CNTN1: variants seen among roughly 807,000 people sequenced by gnomAD.
The protein encoded by CNTN1 is contactin-1.
In CNTN1, 38 loss-of-function variants were observed where a neutral mutation model predicts 126.4. The observed-to-expected ratio is 0.30, with a 90% confidence interval of 0.23 to 0.39. CNTN1 has a LOEUF of 0.39. CNTN1 is among the 10% of genes least tolerant of loss of function. The probability of loss-of-function intolerance (pLI) is 1.00; values close to 1 mark genes in which losing one functional copy is unlikely to be tolerated. For synonymous variants in CNTN1, 413 were observed against 422.6 expected, an observed-to-expected ratio of 0.98 and a Z score of 0.28; for missense variants, 1,009 against 1,248.4, an observed-to-expected ratio of 0.81 and a Z score of 2.89.
chr12:40,743,651 T>G (rs1421407369), intron 1 of CNTN1, among the ~76,000 whole-genome samples: 1 of 152,126 alleles, frequency 6.6e-6, no homozygotes, highest in African/African-American at 2.4e-5. Flanking sequence ...TGGGTTGTTT[T>G]GTTTTTTTTC....
At chr12:40,907,632 A>G (rs909764327) in intron 1 of CNTN1, among the ~76,000 whole-genome samples, 24 of 152,170 alleles carry the variant, frequency 1.6e-4, no homozygotes, top group African/African-American at 5.3e-4. Context: ...TTATATTAGT[A>G]ATTTTATTTT....
chr12:40,931,767 A>T (rs910404112), intron 7 of CNTN1, among the ~76,000 whole-genome samples: 1 of 151,960 alleles, frequency 6.6e-6, no homozygotes, highest in African/African-American at 2.4e-5. Context: ...TGCAGGACCC[A>T]GAGATACTGA....
intron 1 of CNTN1, among the ~76,000 whole-genome samples, chr12:40,837,162 C>T (rs1942090715): frequency 6.6e-6 from 1 of 152,124 alleles, no homozygotes; most frequent in South Asian, 2.1e-4. Context: ...GGAGTGGGGC[C>T]TCAAGATGGC....
intron 15 of CNTN1, among the ~76,000 whole-genome samples, chr12:40,962,088 C>T (rs1191715104): frequency 6.6e-6 from 1 of 151,916 alleles, no homozygotes; most frequent in East Asian, 1.9e-4. Context: ...TTTTTTATAA[C>T]AAAATTATTT....
chr12:41,034,397 A>G (rs141461615), intron 23 of CNTN1, among the ~76,000 whole-genome samples: 1 of 152,278 alleles, frequency 6.6e-6, no homozygotes, highest in African/African-American at 2.4e-5. Flanking sequence ...CTAGAAAACT[A>G]TTTTTTGGGT....
At position 40,924,881 on chromosome 12, in the gene CNTN1, C is replaced by CATATATATATATATATATAT. The variant is rs138237336; in HGVS notation, c.496+246_496+247insTATATATATATATATATATA. On this transcript the variant is annotated intron_variant, in intron 6 of 23. Coordinates refer to ENST00000551295, the MANE Select transcript of CNTN1 (RefSeq NM_001843.4). ...ATCTCTAATCATTTTAGTTTATAAA[C>CATATATATATATATATATAT]ATATATATATATATATAGTATTATG... Among the ~76,000 whole-genome samples the CATATATATATATATATATAT allele has an allele frequency of 0.027, 3,062 of 111,764 alleles. 223 individuals are homozygous for CATATATATATATATATATAT. Among genetic ancestry groups the CATATATATATATATATATAT allele is most frequent in the African/African-American group, 0.079 (2,328 of 29,538 alleles). The allele number at this position is 111,764 out of a possible 152,430, so 73.3% of individuals were successfully genotyped here. A position where few individuals can be genotyped will look rare whatever the true frequency, so the allele number is the denominator to read the frequency against.
intron 14 of CNTN1, among the ~76,000 whole-genome samples, chr12:40,946,661 G>A (rs996857738): frequency 8.6e-5 from 13 of 152,002 alleles, no homozygotes; most frequent in African/African-American, 3.1e-4. Flanking sequence ...AGGAAGTTCT[G>A]ACTAATAATA....
chr12:40,981,514 T>C (rs1385114339), intron 16 of CNTN1, among the ~76,000 whole-genome samples: 1 of 152,174 alleles, frequency 6.6e-6, no homozygotes, highest in Non-Finnish European at 1.5e-5. Context: ...ATCTTACTAC[T>C]ATAACCCTTT....
chr12:40,716,803 C>T (rs1942062565), intron 1 of CNTN1, among the ~76,000 whole-genome samples: 1 of 152,138 alleles, frequency 6.6e-6, no homozygotes, highest in African/African-American at 2.4e-5. Context: ...AGAGAGAACA[C>T]CAGAAATTCT....
At chr12:40,822,387 T>C (rs1394664562) in intron 1 of CNTN1, among the ~76,000 whole-genome samples, 1 of 151,830 alleles carries the variant, frequency 6.6e-6, no homozygotes, top group African/African-American at 2.4e-5. Flanking sequence ...ACTCCTGACC[T>C]CAGGTGATCC....
chr12:41,046,217 C>A (rs1277235901), intron 23 of CNTN1, among the ~76,000 whole-genome samples: 2 of 151,986 alleles, frequency 1.3e-5, no homozygotes, highest in African/African-American at 2.4e-5. Flanking sequence ...ATGATCACAA[C>A]CGAAACAGGA....
intron 1 of CNTN1, 117 bp from the exon 2 acceptor site, chr12:40,908,240 A>G (rs1944903836): frequency 3.5e-6 from 2 of 574,446 alleles, no homozygotes; most frequent in Admixed American, 3.3e-5. Context: ...GTTTTCCTCA[A>G]ATGATGAACA....
chr12:40,888,220 T>C (rs1394170836), intron 1 of CNTN1, among the ~76,000 whole-genome samples: 1 of 152,172 alleles, frequency 6.6e-6, no homozygotes, highest in Non-Finnish European at 1.5e-5. Context: ...GTCTTATTAA[T>C]AACCCGATTA....
chr12:40,970,658 T>A (rs547893929), intron 15 of CNTN1, among the ~76,000 whole-genome samples: 1 of 152,302 alleles, frequency 6.6e-6, no homozygotes, highest in African/African-American at 2.4e-5. Flanking sequence ...ATACTGTTGT[T>A]AAATGATTAC....
At chr12:41,007,233 T>A (rs1056435166) in intron 17 of CNTN1, among the ~76,000 whole-genome samples, 1 of 151,632 alleles carries the variant, frequency 6.6e-6, no homozygotes, top group Non-Finnish European at 1.5e-5. Flanking sequence ...CTAATTTTTT[T>A]GTATTTTTAG....
At position 40,819,505 on chromosome 12, in the gene CNTN1, G is replaced by C. The variant is rs536195677; in HGVS notation, c.-76-88852G>C. On this transcript the variant is annotated intron_variant, in intron 1 of 23. Coordinates refer to ENST00000551295, the MANE Select transcript of CNTN1 (RefSeq NM_001843.4). ...TGCTGTGCTGTGGGGCCAAGTCTTGGGACCAAGCTATCCAGTCTTCCTGGC... is the reference window on the plus strand; with the variant it reads ...TGCTGTGCTGTGGGGCCAAGTCTTGCGACCAAGCTATCCAGTCTTCCTGGC... Among the ~76,000 whole-genome samples, 210 of 152,300 alleles carry C rather than the reference G, an allele frequency of 1.4e-3. 2 individuals carry two copies. The highest frequency in any genetic ancestry group is 0.012 in the South Asian group (57 of 4,832).
At chr12:41,026,373 G>T (rs924841212) in intron 21 of CNTN1, among the ~76,000 whole-genome samples, 1 of 152,174 alleles carries the variant, frequency 6.6e-6, no homozygotes, top group Non-Finnish European at 1.5e-5. Flanking sequence ...GATTAAAGCA[G>T]CTGACAGGGC....
Position 40,841,816 on chromosome 12 carries a change from C to T in CNTN1, c.-76-66541C>T, listed in dbSNP as rs75513855. On this transcript the variant is annotated intron_variant, in intron 1 of 23. Coordinates refer to ENST00000551295, the MANE Select transcript of CNTN1 (RefSeq NM_001843.4). The stretch of plus-strand genomic sequence containing the variant: ...CCGTATAGGACAAACGCATAGCTAA[C>T]CTCATACTCAAAGGGGAAACGCAGA... Among the ~76,000 whole-genome samples the T allele has an allele frequency of 9.0e-3, 1,363 of 152,002 alleles. 19 individuals are homozygous for T. Among genetic ancestry groups the T allele is most frequent in the African/African-American group, 0.031 (1,292 of 41,490 alleles).
At chr12:41,066,301 G>T (rs1566253686) in intron 23 of CNTN1, among the ~76,000 whole-genome samples, 1 of 152,158 alleles carries the variant, frequency 6.6e-6, no homozygotes, top group Non-Finnish European at 1.5e-5. Flanking sequence ...AAGTTAGAGA[G>T]ATTATGCAAT....
Sources: allele counts gnomAD v4.1 joint callset (sites outside exome capture counted in the v4.1 genomes callset), GRCh38; gene constraint gnomAD v4.1.1; transcripts MANE v1.5; gene names NCBI Gene and HGNC (gene_info 2026-07-23, HGNC 2026-07-21).